CCSER1: variants seen among roughly 807,000 people sequenced by gnomAD.
CCSER1 encodes the protein serine-rich coiled-coil domain-containing protein 1.
A neutral mutation model predicts 82.0 loss-of-function variants in CCSER1; 41 were observed. The ratio of observed to expected loss-of-function variants is 0.50; its 90% CI spans 0.39 to 0.65. CCSER1 has a LOEUF of 0.65. Ranked by LOEUF, CCSER1 falls within the 30% of genes least tolerant of loss-of-function variation. The probability of loss-of-function intolerance (pLI) is 0.00; values close to 1 mark genes in which losing one functional copy is unlikely to be tolerated. For missense variants in CCSER1, 1,119 were observed against 1,064.2 expected (o/e 1.05, Z -0.72); for synonymous variants, 414 against 383.9 (o/e 1.08, Z -0.92).
At chr4:91,454,299 G>C (rs1756026691) in intron 10 of CCSER1, among the ~76,000 whole-genome samples, 1 of 151,966 alleles carries the variant, frequency 6.6e-6, no homozygotes, top group Non-Finnish European at 1.5e-5. Context: ...AGTTCCCTTG[G>C]CTTCTCCAGC....
At chr4:90,233,128 A>G (rs1744971882) in intron 1 of CCSER1, among the ~76,000 whole-genome samples, 2 of 152,270 alleles carry the variant, frequency 1.3e-5, no homozygotes, top group African/African-American at 4.8e-5. Flanking sequence ...TACTGGGTAT[A>G]TACCCAAAGG....
intron 10 of CCSER1, among the ~76,000 whole-genome samples, chr4:91,250,750 A>G (rs996080999): frequency 3.3e-5 from 5 of 151,916 alleles, no homozygotes; most frequent in African/African-American, 1.2e-4. Context: ...AAAAAACACA[A>G]TGCAAACCTA....
chr4:90,406,654 A>G (rs1319573420), intron 4 of CCSER1, among the ~76,000 whole-genome samples: 2 of 152,202 alleles, frequency 1.3e-5, no homozygotes, highest in Non-Finnish European at 2.9e-5. Flanking sequence ...TATATCAAAT[A>G]TTCCTTCAGA....
intron 1 of CCSER1, among the ~76,000 whole-genome samples, chr4:90,271,070 T>G (rs1322292352): frequency 6.6e-6 from 1 of 152,078 alleles, no homozygotes. Flanking sequence ...GGTACCCACA[T>G]CAATCTACAG....
chr4:90,318,443 T>G (rs188223512), intron 3 of CCSER1, among the ~76,000 whole-genome samples: 7 of 152,366 alleles, frequency 4.6e-5, no homozygotes, highest in Admixed American at 3.9e-4. Flanking sequence ...AATTTTACTC[T>G]GACACAGCAT....
intron 1 of CCSER1, among the ~76,000 whole-genome samples, chr4:90,193,433 A>G (rs1466046283): frequency 6.6e-6 from 1 of 151,738 alleles, no homozygotes; most frequent in Non-Finnish European, 1.5e-5. Context: ...GCTAAGTATG[A>G]ATACAAAAGA....
At position 90,907,310 on chromosome 4, in the gene CCSER1, G is replaced by A. The variant is rs1725636893; in HGVS notation, c.2095-16060G>A. 5.3e-5 allele frequency among the ~76,000 whole-genome samples: 8 copies of A among 152,248 alleles called. No homozygotes were observed. In the South Asian group the frequency reaches 1.5e-3, roughly 28 times the overall value. On this transcript the variant is annotated intron_variant, in intron 8 of 10. Coordinates refer to ENST00000509176, the MANE Select transcript of CCSER1 (RefSeq NM_001145065.2). ...ATTCCCTAATGCAAATATGGGCCAA[G>A]GGAATGGAGAGCCCCTGACAAATAG...
chr4:90,819,605 A>G (rs896084163), intron 8 of CCSER1, among the ~76,000 whole-genome samples: 11 of 152,172 alleles, frequency 7.2e-5, no homozygotes, highest in South Asian at 4.1e-4. Flanking sequence ...ATTTAGGATT[A>G]TATATTGATA....
intron 4 of CCSER1, among the ~76,000 whole-genome samples, chr4:90,402,882 T>A (rs1201819207): frequency 6.6e-6 from 1 of 152,218 alleles, no homozygotes; most frequent in Non-Finnish European, 1.5e-5. Flanking sequence ...TTGAGTCTAC[T>A]TTAAGGTGTA....
chr4:90,412,366 C>CA (rs1334117119), intron 4 of CCSER1, among the ~76,000 whole-genome samples: 2 of 150,398 alleles, frequency 1.3e-5, no homozygotes, highest in East Asian at 3.9e-4. Context: ...CCTAATGCTA[C>CA]ATGACGAGTT....
chr4:91,520,780 T>G (rs1054149944), intron 10 of CCSER1, among the ~76,000 whole-genome samples: 2 of 152,194 alleles, frequency 1.3e-5, no homozygotes, highest in Non-Finnish European at 2.9e-5. Context: ...CTTTTGTTTT[T>G]GCTGTCCTGT....
intron 9 of CCSER1, among the ~76,000 whole-genome samples, chr4:91,084,703 T>A (rs772598033): frequency 1.3e-5 from 2 of 152,168 alleles, no homozygotes; most frequent in African/African-American, 2.4e-5. Context: ...GATAATTTTC[T>A]ATAATCAGAA....
chr4:90,782,427 A>T (rs78975947), intron 7 of CCSER1, among the ~76,000 whole-genome samples: 28,354 of 152,132 alleles, frequency 0.19, 3,293 homozygotes, highest in South Asian at 0.27. Context: ...CTATCCTCAG[A>T]TCTTATCGTT....
intron 7 of CCSER1, among the ~76,000 whole-genome samples, chr4:90,803,283 T>C (rs113630901): frequency 1.3e-5 from 2 of 152,198 alleles, no homozygotes; most frequent in East Asian, 3.9e-4. Flanking sequence ...TACACAGGTA[T>C]ACATGTGCCA....
intron 5 of CCSER1, among the ~76,000 whole-genome samples, chr4:90,622,333 A>G (rs1722466831): frequency 6.6e-6 from 1 of 152,160 alleles, no homozygotes; most frequent in Non-Finnish European, 1.5e-5. Context: ...GGTTTGTTAC[A>G]TATGTATACA....
intron 7 of CCSER1, among the ~76,000 whole-genome samples, chr4:90,805,997 A>T (rs6532246): frequency 0.34 from 51,718 of 152,030 alleles, 9,002 homozygotes; most frequent in East Asian, 0.42. Context: ...TGAGAGTAAG[A>T]GTTGTTTAAA....
At chr4:90,358,911 TATAAATG>T (rs1217370809) in intron 3 of CCSER1, among the ~76,000 whole-genome samples, 3 of 152,182 alleles carry the variant, frequency 2.0e-5, no homozygotes, top group Non-Finnish European at 2.9e-5. Flanking sequence ...TGCCAGGAAT[TATAAATG>T]ATCATTTCAT....
intron 4 of CCSER1, among the ~76,000 whole-genome samples, chr4:90,413,689 C>T (rs543143610): frequency 1.8e-4 from 27 of 151,814 alleles, no homozygotes; most frequent in Admixed American, 1.4e-3. Flanking sequence ...ATGTTCCTCC[C>T]TCACGCCTGT....
chr4:90,217,488 A>G (rs990368730), intron 1 of CCSER1, among the ~76,000 whole-genome samples: 1 of 152,138 alleles, frequency 6.6e-6, no homozygotes, highest in African/African-American at 2.4e-5. Flanking sequence ...ATGAGCCACC[A>G]TGCCCAGCCC....
Sources: allele counts gnomAD v4.1 joint callset (sites outside exome capture counted in the v4.1 genomes callset), GRCh38; gene constraint gnomAD v4.1.1; transcripts MANE v1.5; gene names NCBI Gene and HGNC (gene_info 2026-07-23, HGNC 2026-07-21).